FHOD3: variants seen among roughly 807,000 people sequenced by gnomAD.
FHOD3 encodes formin homology 2 domain containing 3, also known as FH1/FH2 domain-containing protein 3.
In FHOD3, 90 loss-of-function variants were observed where a neutral mutation model predicts 173.0. The ratio of observed to expected loss-of-function variants is 0.52; its 90% confidence interval spans 0.44 to 0.62. The LOEUF (loss-of-function observed/expected upper bound fraction) is 0.62. Among genes scored for constraint, FHOD3 ranks in the 20% least tolerant of loss-of-function variants. The pLI, the probability that FHOD3 is intolerant of heterozygous loss-of-function variation, is 0.00. For missense variants in FHOD3, 1,945 were observed against 2,034.7 expected, an observed-to-expected ratio of 0.96 and a Z score of 0.85; for synonymous variants, 828 against 823.0, an observed-to-expected ratio of 1.01 and a Z score of -0.10.
At chr18:36,630,256 A>T (rs1313466936) in intron 10 of FHOD3, among the ~76,000 whole-genome samples, 1 of 152,238 alleles carries the variant, frequency 6.6e-6, no homozygotes, top group Non-Finnish European at 1.5e-5. Flanking sequence ...TAGTTTAAAA[A>T]AATCCATTGG....
intron 3 of FHOD3, among the ~76,000 whole-genome samples, chr18:36,446,183 G>T (rs1178575007): frequency 6.6e-6 from 1 of 152,174 alleles, no homozygotes; most frequent in South Asian, 2.1e-4. Flanking sequence ...ACCAGACCTC[G>T]TGGTAGGCTG....
At chr18:36,447,072 A>G (rs552946736) in intron 3 of FHOD3, among the ~76,000 whole-genome samples, 1 of 152,216 alleles carries the variant, frequency 6.6e-6, no homozygotes, top group East Asian at 1.9e-4. Flanking sequence ...TTTCTTCTGG[A>G]TTTGAGATAG....
intron 3 of FHOD3, among the ~76,000 whole-genome samples, chr18:36,406,089 G>GTTTTTTTTTTTTTTTTT: frequency 7.4e-6 from 1 of 135,732 alleles, no homozygotes; most frequent in East Asian, 2.1e-4. Flanking sequence ...TTTTGTTTTT[G>GTTTTTTTTTTTTTTTTT]TTTTTGTTTT....
At chr18:36,624,446 G>A (rs111357618) in intron 9 of FHOD3, among the ~76,000 whole-genome samples, 66 of 152,260 alleles carry the variant, frequency 4.3e-4, no homozygotes, top group East Asian at 2.5e-3. Flanking sequence ...GAATGTAGGC[G>A]TAGGCATAAC....
chr18:36,458,454 G>C (rs2052351351), intron 3 of FHOD3, among the ~76,000 whole-genome samples: 1 of 152,094 alleles, frequency 6.6e-6, no homozygotes, highest in South Asian at 2.1e-4. Context: ...ACCTCTACAA[G>C]TGTGTGCATA....
chr18:36,557,042 T>G (rs1271457470), intron 5 of FHOD3, among the ~76,000 whole-genome samples: 1 of 152,224 alleles, frequency 6.6e-6, no homozygotes, highest in Non-Finnish European at 1.5e-5. Context: ...GCTGCCATTC[T>G]TATATCTTTT....
chr18:36,756,445 C>T (rs1473130515), intron 25 of FHOD3, among the ~76,000 whole-genome samples: 7 of 152,104 alleles, frequency 4.6e-5, no homozygotes, highest in Admixed American at 6.5e-5. Flanking sequence ...AGCCACAGGG[C>T]GTGCCATCAT....
At chr18:36,476,565 G>A (rs1039727912) in intron 3 of FHOD3, among the ~76,000 whole-genome samples, 4 of 152,186 alleles carry the variant, frequency 2.6e-5, no homozygotes, top group Admixed American at 1.3e-4. Context: ...GGAAAGGGCC[G>A]TAGGATACTC....
chr18:36,638,016 T>A (rs1041684837), intron 10 of FHOD3, among the ~76,000 whole-genome samples: 2 of 152,204 alleles, frequency 1.3e-5, no homozygotes, highest in African/African-American at 2.4e-5. Context: ...ATCTAGATGT[T>A]TATTCACCAA....
chr18:36,622,908 C>T (rs919766070), intron 9 of FHOD3, among the ~76,000 whole-genome samples: 3 of 152,188 alleles, frequency 2.0e-5, no homozygotes, highest in Admixed American at 6.5e-5. Flanking sequence ...ATTATAAAAA[C>T]AAAACCATGA....
At chr18:36,772,533 T>A (rs1476166437) in intron 28 of FHOD3, among the ~76,000 whole-genome samples, 1 of 152,232 alleles carries the variant, frequency 6.6e-6, no homozygotes, top group Non-Finnish European at 1.5e-5. Context: ...ACAGAATCCA[T>A]CCCATAACCT....
At chr18:36,494,319 C>A (rs996148174) in intron 3 of FHOD3, among the ~76,000 whole-genome samples, 1 of 152,142 alleles carries the variant, frequency 6.6e-6, no homozygotes, top group Non-Finnish European at 1.5e-5. Flanking sequence ...CAGCATAATA[C>A]ATGATTGCAA....
chr18:36,638,722 C>G (rs11875337), intron 10 of FHOD3, among the ~76,000 whole-genome samples: 127 of 152,238 alleles, frequency 8.3e-4, no homozygotes, highest in African/African-American at 3.0e-3. Context: ...AAATAATATG[C>G]CTTAAGGATG....
intron 5 of FHOD3, among the ~76,000 whole-genome samples, chr18:36,548,206 A>T (rs2057494410): frequency 6.6e-6 from 1 of 152,152 alleles, no homozygotes; most frequent in Non-Finnish European, 1.5e-5. Flanking sequence ...ACAAAAAAAA[A>T]ATTCTGTACA....
chr18:36,714,537 G>T (rs1057474953), intron 18 of FHOD3, among the ~76,000 whole-genome samples: 2 of 151,884 alleles, frequency 1.3e-5, no homozygotes, highest in African/African-American at 2.4e-5. Flanking sequence ...ACTCTGTCTC[G>T]AAGAAAAAAA....
At chr18:36,678,187 A>G (rs936866317) in intron 14 of FHOD3, among the ~76,000 whole-genome samples, 4 of 152,202 alleles carry the variant, frequency 2.6e-5, no homozygotes, top group African/African-American at 7.2e-5. Context: ...AATATAAGCA[A>G]TGATGGAAAC....
intron 28 of FHOD3, among the ~76,000 whole-genome samples, chr18:36,776,891 C>CA (rs2043697671): frequency 6.6e-6 from 1 of 152,180 alleles, no homozygotes; most frequent in African/African-American, 2.4e-5. Flanking sequence ...TAGGCTGGCT[C>CA]AATGTCCGAA....
Position 36,491,830 on chromosome 18 carries a change from A to T in FHOD3, c.338-10102A>T, listed in dbSNP as rs555392552. On this transcript the variant is annotated intron_variant, in intron 3 of 28. Coordinates refer to ENST00000590592, the MANE Select transcript of FHOD3 (RefSeq NM_001281740.3). ...AGCTCATTTCTTTTTATTGCTGAATAATAAACACTCCATTGTATGGATGTT... is the reference window on the plus strand; with the variant it reads ...AGCTCATTTCTTTTTATTGCTGAATTATAAACACTCCATTGTATGGATGTT... 7.2e-5 allele frequency among the ~76,000 whole-genome samples: 11 copies of T among 152,300 alleles called. No homozygotes were observed. In the South Asian group the frequency reaches 1.5e-3, roughly 20 times the overall value.
chr18:36,506,607 C>T (rs1240558963), intron 4 of FHOD3, among the ~76,000 whole-genome samples: 1 of 152,172 alleles, frequency 6.6e-6, no homozygotes, highest in Admixed American at 6.5e-5. Context: ...CCCAGTTGTT[C>T]ATTCATGAAC....
Sources: allele counts gnomAD v4.1 joint callset (sites outside exome capture counted in the v4.1 genomes callset), GRCh38; gene constraint gnomAD v4.1.1; transcripts MANE v1.5; gene names NCBI Gene and HGNC (gene_info 2026-07-23, HGNC 2026-07-21).